PRKCZ: variants seen among roughly 807,000 people sequenced by gnomAD.
The protein encoded by PRKCZ is protein kinase C zeta.
Under a neutral mutation model 79.5 loss-of-function variants are expected in PRKCZ, and 33 were observed. That is an observed-to-expected ratio of 0.41 (90% CI 0.31 to 0.55). PRKCZ has a LOEUF of 0.55. Ranked by LOEUF, PRKCZ falls within the 20% of genes least tolerant of loss-of-function variation. The probability of loss-of-function intolerance (pLI) is 0.19; values close to 1 mark genes in which losing one functional copy is unlikely to be tolerated. For missense variants in PRKCZ, 578 were observed against 813.5 expected (o/e 0.71, Z 3.52); for synonymous variants, 342 against 320.9 (o/e 1.07, Z -0.70).
intron 4 of PRKCZ, among the ~76,000 whole-genome samples, chr1:2,126,187 T>G (rs1193132146): frequency 6.6e-6 from 1 of 152,210 alleles, no homozygotes; most frequent in African/African-American, 2.4e-5. Flanking sequence ...TGCCAAGGCC[T>G]GTCAGCTTCC....
chr1:2,073,515 G>A lies in PRKCZ; in HGVS notation c.334+13924G>A, dbSNP rs16824694. On this transcript the variant is annotated intron_variant, in intron 4 of 17. Coordinates refer to ENST00000378567, the MANE Select transcript of PRKCZ (RefSeq NM_002744.6). ...CTTAGCTGGGTTCTGTTCTGATGTCGCATTTTCAAGGTCCGCTGAGTCCGA... is the reference window on the plus strand; with the variant it reads ...CTTAGCTGGGTTCTGTTCTGATGTCACATTTTCAAGGTCCGCTGAGTCCGA... The A allele has an allele frequency of 1.2e-3, 720 of 623,996 alleles. 33 individuals are homozygous for A. The East Asian group carries it at 0.077, about 66-fold the overall frequency. The allele number at this position is 623,996 out of a possible 1,614,324, so 38.7% of individuals were successfully genotyped here.
At chr1:2,086,226 T>C (rs2102435604) in intron 4 of PRKCZ, among the ~76,000 whole-genome samples, 1 of 152,060 alleles carries the variant, frequency 6.6e-6, no homozygotes, top group African/African-American at 2.4e-5. Flanking sequence ...CACGCCCAGC[T>C]AATTTTTGTG....
At chr1:2,181,741 C>A (rs262690) in intron 16 of PRKCZ, 1 of 449,964 alleles carries the variant, frequency 2.2e-6, no homozygotes, top group African/African-American at 2.0e-5. Context: ...TGTTCCCACC[C>A]CTGCTGCTTA....
At chr1:2,112,635 C>T (rs941089879) in intron 4 of PRKCZ, among the ~76,000 whole-genome samples, 8 of 152,040 alleles carry the variant, frequency 5.3e-5, no homozygotes, top group Non-Finnish European at 7.4e-5. Context: ...GAAAAAGGTC[C>T]TTGAAACTTG....
chr1:2,054,831 G>A lies in PRKCZ; in HGVS notation c.72-610G>A, dbSNP rs549668850. On this transcript the variant is annotated intron_variant, in intron 1 of 17. Transcript: ENST00000378567. ...TTGAACGAGTGCCCGACCAGGTAAC[G>A]TTGCCGGACCTCCCACAAGAGGGCA... 3.3e-5 allele frequency among the ~76,000 whole-genome samples: 5 copies of A among 152,124 alleles called. No individual in the cohort carries two copies. In the East Asian group the frequency reaches 5.8e-4, roughly 18 times the overall value.
chr1:2,093,094 T>C (rs2102500331), intron 4 of PRKCZ, among the ~76,000 whole-genome samples: 1 of 152,262 alleles, frequency 6.6e-6, no homozygotes, highest in East Asian at 1.9e-4. Context: ...CAACAGGAAC[T>C]CAAGAGAAAA....
chr1:2,129,735 GT>G (rs1674603147), intron 4 of PRKCZ, among the ~76,000 whole-genome samples: 1 of 152,152 alleles, frequency 6.6e-6, no homozygotes. Flanking sequence ...TACAGCTGGA[GT>G]TGAGGTTCTA....
rs576898794 is a variant in PRKCZ, at chr1:2,174,020, C to T, written c.1405+4C>T. On this transcript the variant is annotated splice_donor_region_variant and intron_variant, in intron 14 of 17. Transcript: ENST00000378567. The surrounding 1 kb of genome is among the most constrained non-coding windows in gnomAD (Gnocchi z 6.2). ...ACAGAGGACTACCTTTTCCAAGGTGCGTGCCCCGCTGTGCGTTCGTACCCC... is the reference window on the plus strand; with the variant it reads ...ACAGAGGACTACCTTTTCCAAGGTGTGTGCCCCGCTGTGCGTTCGTACCCC... 2.0e-5 allele frequency: 32 copies of T among 1,598,928 alleles called. No homozygotes were observed. Among genetic ancestry groups the T allele is most frequent in the Middle Eastern group, 3.3e-4 (2 of 6,004 alleles).
intron 3 of PRKCZ, among the ~76,000 whole-genome samples, chr1:2,057,151 C>T (rs1660244297): frequency 6.6e-6 from 1 of 152,238 alleles, no homozygotes; most frequent in African/African-American, 2.4e-5. Context: ...GACAGCCCCA[C>T]CAGCCACCTC....
chr1:2,105,468 C>T (rs1168258422), intron 4 of PRKCZ, among the ~76,000 whole-genome samples: 2 of 152,212 alleles, frequency 1.3e-5, no homozygotes, highest in African/African-American at 4.8e-5. Flanking sequence ...GGCGTGATCT[C>T]AGCTCACTGC....
At chr1:2,160,242 T>C (rs960811442) in intron 10 of PRKCZ, among the ~76,000 whole-genome samples, 4 of 82,190 alleles carry the variant, frequency 4.9e-5, no homozygotes, top group South Asian at 4.0e-4. Context: ...AGTGTGCGTG[T>C]GTGTGTGTGT....
At position 2,086,252 on chromosome 1, in the gene PRKCZ, G is replaced by A. The variant is rs569536396; in HGVS notation, c.334+26661G>A. 3.9e-4 allele frequency among the ~76,000 whole-genome samples: 59 copies of A among 151,954 alleles called. 1 individual carries two copies. Among genetic ancestry groups the A allele is most frequent in the Admixed American group, 3.4e-3 (52 of 15,282 alleles). ...AATTTTTGTGTTTTGATAGAGACAG[G>A]GTTTCTCCATTTTGCCCAGGCTGAT... On this transcript the variant is annotated intron_variant, in intron 4 of 17. Transcript: ENST00000378567.
intron 4 of PRKCZ, among the ~76,000 whole-genome samples, chr1:2,086,684 G>A (rs1664584569): frequency 6.6e-6 from 1 of 152,228 alleles, no homozygotes; most frequent in African/African-American, 2.4e-5. Flanking sequence ...GCTGTGCCCG[G>A]TGGGCGGTGG....
chr1:2,134,153 G>T (rs537905120), intron 4 of PRKCZ, among the ~76,000 whole-genome samples: 1 of 152,170 alleles, frequency 6.6e-6, no homozygotes, highest in Non-Finnish European at 1.5e-5. Context: ...GGGCTGAGCC[G>T]CCCGCTGCCG....
In PRKCZ at chr1:2,178,223, G is replaced by T. The variant is rs1685860843; in HGVS notation, c.1575+2910G>T. Among the ~76,000 whole-genome samples, 1 of 152,228 alleles carries T rather than the reference G, an allele frequency of 6.6e-6. No homozygotes were observed. Among genetic ancestry groups the T allele is most frequent in the Non-Finnish European group, 1.5e-5 (1 of 68,038 alleles). ...CTCCAGCCTCTCCCCACACCCTGCA[G>T]TGGCTGCTCCGCCAGGCTGTGTGGC... is the stretch of plus-strand genomic sequence containing the variant. On this transcript the variant is annotated intron_variant, in intron 16 of 17. Transcript: ENST00000378567. This position sits in a 1 kb window ranked among gnomAD's most constrained non-coding sequence, Gnocchi z 4.3.
intron 5 of PRKCZ, among the ~76,000 whole-genome samples, chr1:2,139,270 C>T (rs535254205): frequency 4.6e-5 from 7 of 152,160 alleles, no homozygotes; most frequent in Admixed American, 3.9e-4. Flanking sequence ...AAGACATTTT[C>T]TCTGTCAACA....
At chr1:2,098,630 G>GTGA (rs1666932953) in intron 4 of PRKCZ, 1 of 152,158 alleles carries the variant, frequency 6.6e-6, no homozygotes, top group African/African-American at 2.4e-5. Flanking sequence ...TTCTCACTCA[G>GTGA]GACCAAATAG....
intron 10 of PRKCZ, among the ~76,000 whole-genome samples, chr1:2,159,027 G>A (rs1447814028): frequency 1.3e-5 from 2 of 151,942 alleles, no homozygotes; most frequent in East Asian, 3.9e-4. Context: ...CCTGGTTCAC[G>A]CCATTCTCCT....
chr1:2,102,404 C>CCCCG (rs1300362448), intron 4 of PRKCZ, among the ~76,000 whole-genome samples: 2 of 151,656 alleles, frequency 1.3e-5, no homozygotes, highest in African/African-American at 4.8e-5. Context: ...GCAATCTTGG[C>CCCCG]TCACTGCAAG....
Sources: allele counts gnomAD v4.1 joint callset (sites outside exome capture counted in the v4.1 genomes callset), GRCh38; gene constraint gnomAD v4.1.1; non-coding constraint Gnocchi (gnomAD v3.1); transcripts MANE v1.5; gene names NCBI Gene and HGNC (gene_info 2026-07-23, HGNC 2026-07-21).